The following PLA2G4B variants were observed in gnomAD, a reference collection of about 807,000 sequenced individuals.
PLA2G4B encodes the protein phospholipase A2 group IVB, also known as cytosolic phospholipase A2 beta.
PLA2G4B carries 122 observed loss-of-function variants against 95.8 expected under a neutral mutation model. The ratio of observed to expected loss-of-function variants is 1.27; its 90% CI spans 1.10 to 1.48. The LOEUF (loss-of-function observed/expected upper bound fraction) is 1.48. PLA2G4B is among the 40% of genes most tolerant of loss of function. The pLI, the probability that PLA2G4B is intolerant of heterozygous loss-of-function variation, is 0.00. For missense variants in PLA2G4B, 1,158 were observed against 996.2 expected (o/e 1.16, Z -2.19); for synonymous variants, 518 against 421.5 (o/e 1.23, Z -2.80).
At position 41,838,862 on chromosome 15, in the gene PLA2G4B, C is replaced by A. The variant is rs886073453; in HGVS notation, c.-52C>A. On this transcript the variant is annotated 5_prime_UTR_variant, in exon 1 of 20. Transcript: ENST00000458483. ...GCTCTGGGTTAGAAAGCTGACAGTC[C>A]TTGATCCTGTGGCCACTGCCCCATC... 3.8e-6 allele frequency: 6 copies of A among 1,570,938 alleles called. No homozygotes were observed. Among genetic ancestry groups the A allele is most frequent in the Non-Finnish European group, 5.2e-6 (6 of 1,153,524 alleles).
rs2065616165 is a variant in PLA2G4B at position 41,848,115 on chromosome 15, G to A, written c.*255G>A. 4 of 584,254 alleles carry A rather than the reference G, an allele frequency of 6.8e-6. No homozygotes were observed. The highest frequency in any genetic ancestry group is 1.2e-5 in the Non-Finnish European group (4 of 328,556). 36.2% of individuals were successfully genotyped at this position (584,254 alleles called of 1,614,324 possible). On this transcript the variant is annotated 3_prime_UTR_variant, in exon 20 of 20. Transcript: ENST00000458483. ...TTCTGCGCTACCTTGAGTAGTTGGA[G>A]CACTTGATACATCACAGACTCATAC...
At chr15:41,841,480 TG>T in intron 6 of PLA2G4B, 36 bp from the exon 7 acceptor site, 1 of 1,612,122 alleles carries the variant, frequency 6.2e-7, no homozygotes, top group Non-Finnish European at 8.5e-7. Flanking sequence ...GAATGGGGGG[TG>T]GGGTTAGTGT....
rs1041131421 is a variant in PLA2G4B, at chr15:41,848,130, C to T, written c.*270C>T. ...AGTAGTTGGAGCACTTGATACATCA[C>T]AGACTCATACAAATGTGAGGCGCTG... On this transcript the variant is annotated 3_prime_UTR_variant, in exon 20 of 20. Transcript: ENST00000458483. The T allele has an allele frequency of 5.2e-6, 3 of 571,452 alleles. No individual in the cohort carries two copies. Among genetic ancestry groups the T allele is most frequent in the African/African-American group, 1.9e-5 (1 of 53,254 alleles). The allele number at this position is 571,452 out of a possible 1,614,324, so 35.4% of individuals were successfully genotyped here. A position where few individuals can be genotyped will look rare whatever the true frequency, so the allele number is the denominator to read the frequency against.
rs772887684 is a variant in PLA2G4B, at chr15:41,846,399, A to AAAG, written c.1780+18_1780+20dup. On this transcript the variant is annotated intron_variant, in intron 17 of 19. Transcript: ENST00000458483. ...CATGGAAAGGTACCTGCTTCTCTCC[A>AAAG]AAGTCCTCCTGTGGCCACCTGAGCC... is the stretch of plus-strand genomic sequence containing the variant. 184 of 1,594,626 alleles carry AAAG rather than the reference A, an allele frequency of 1.2e-4. No homozygotes were observed. Among genetic ancestry groups the AAAG allele is most frequent in the Middle Eastern group, 8.3e-4 (5 of 6,010 alleles).
rs1323648765 is a variant in PLA2G4B at position 41,848,108 on chromosome 15, A to AGTT, written c.*250_*252dup. 1 of 589,618 alleles carries AGTT rather than the reference A, an allele frequency of 1.7e-6. No individual in the cohort carries two copies. Among genetic ancestry groups the AGTT allele is most frequent in the Non-Finnish European group, 3.0e-6 (1 of 332,500 alleles). 36.5% of individuals were successfully genotyped at this position (589,618 alleles called of 1,614,324 possible). On this transcript the variant is annotated 3_prime_UTR_variant, in exon 20 of 20. Transcript: ENST00000458483. ...TTTTCCCTTCTGCGCTACCTTGAGT[A>AGTT]GTTGGAGCACTTGATACATCACAGA...
chr15:41,839,029 G>A, intron 1 of PLA2G4B, 107 bp downstream of exon 1: 1 of 960,836 alleles, frequency 1.0e-6, no homozygotes, highest in South Asian at 1.6e-5. Flanking sequence ...GGGGTAGGGA[G>A]GGGAGTTTAT....
intron 14 of PLA2G4B, 149 bp downstream of exon 14, chr15:41,845,469 C>T (rs924468350): frequency 6.9e-7 from 1 of 1,450,080 alleles, no homozygotes; most frequent in Non-Finnish European, 9.2e-7. Context: ...CAGGGTCCCT[C>T]AGCCCTTTGG....
rs2140895839 is a variant in PLA2G4B at position 41,845,280 on chromosome 15, C to T, written c.1317C>T (p.Leu439=). 1 of 1,614,208 alleles carries T rather than the reference C, an allele frequency of 6.2e-7. No homozygotes were observed. Residue 439 remains leucine, a synonymous_variant, in exon 14 of 20, where the codon CTC becomes CTT. Coordinates refer to ENST00000458483, the MANE Select transcript of PLA2G4B (RefSeq NM_001114633.2). ...GQNPLPIYCA[L]NTKGQSLTTF... ...ACCCTCTGCCCATCTACTGTGCCCTCAACACCAAAGGGCAGAGCCTGACCA... is the reference window on the plus strand; with the variant it reads ...ACCCTCTGCCCATCTACTGTGCCCTTAACACCAAAGGGCAGAGCCTGACCA...
chr15:41,846,480 C>T (rs2065548846), intron 17 of PLA2G4B, 98 bp downstream of exon 17: 2 of 1,525,932 alleles, frequency 1.3e-6, no homozygotes, highest in African/African-American at 1.4e-5. Flanking sequence ...CTGCTTTGAG[C>T]TTGATTCCCT....
In PLA2G4B at chr15:41,846,055, C is replaced by T. The variant is rs376521400; in HGVS notation, c.1600+8C>T. 20 of 1,568,436 alleles carry T rather than the reference C, an allele frequency of 1.3e-5. No individual in the cohort carries two copies. In the Admixed American group the frequency reaches 2.0e-4, roughly 16 times the overall value. On this transcript the variant is annotated splice_region_variant and intron_variant, in intron 16 of 19. Transcript: ENST00000458483. ...GGAACCAGGCCAACCTGGGTAAGTG[C>T]TCCGGGCCCTTCATAAGGGTGCCAA... is the stretch of plus-strand genomic sequence containing the variant.
Position 41,846,828 on chromosome 15 carries a change from C to G in PLA2G4B, c.1940C>G (p.Ala647Gly), listed in dbSNP as rs757931313. ...ILSLDYNLHG[A>G]FQQLQLLGRF... ...TCATTGGACTACAACCTCCACGGAGCCTTCCAGGTTGGGAAGGGTGGGCAG... is the reference window on the plus strand; with the variant it reads ...TCATTGGACTACAACCTCCACGGAGGCTTCCAGGTTGGGAAGGGTGGGCAG... The change falls in exon 18 of 20, where the codon GCC (alanine) becomes GGC (glycine). Residue 647 changes from alanine (A) to glycine (G), a missense_variant. By Grantham distance (60) the Ala-to-Gly change is moderately conservative (BLOSUM62 0). Transcript: ENST00000458483. 4 of 1,609,354 alleles carry G rather than the reference C, an allele frequency of 2.5e-6. No homozygotes were observed. In the African/African-American group the frequency reaches 4.0e-5, roughly 16 times the overall value.
chr15:41,842,202 G>A lies in PLA2G4B; in HGVS notation c.631G>A (p.Glu211Lys), dbSNP rs755015337. Residue 211 changes from glutamate to lysine, a missense_variant, in exon 9 of 20, where the codon GAG (glutamate) becomes AAG (lysine). Glu to Lys is a moderately conservative substitution (Grantham distance 56). Coordinates refer to ENST00000458483, the MANE Select transcript of PLA2G4B (RefSeq NM_001114633.2). ...TCTTTGTCCCCTGCAGGATGCCCCC[G>A]AGGAGCAACTAAAGGCGCCACTGAG... ...ELSIRLQDAP[E>K]EQLKAPLSAL... is the part of the protein sequence containing the mutation. 18 of 1,613,860 alleles carry A rather than the reference G, an allele frequency of 1.1e-5. No individual in the cohort carries two copies. In the East Asian group the frequency reaches 1.3e-4, roughly 12 times the overall value.
intron 18 of PLA2G4B, 146 bp from the exon 19 acceptor site, chr15:41,847,191 A>T: frequency 8.7e-7 from 1 of 1,151,554 alleles, no homozygotes; most frequent in African/African-American, 2.2e-5. Context: ...AGGTGTGGAG[A>T]GTTTTTTTCC....
At chr15:41,842,956 T>A (rs1393517670) in intron 10 of PLA2G4B, 1 of 266,486 alleles carries the variant, frequency 3.8e-6, no homozygotes, top group African/African-American at 2.3e-5. Flanking sequence ...GGGTGGAAGC[T>A]GTTATGGCTG....
At chr15:41,841,372 C>T (rs1183698090) in intron 6 of PLA2G4B, 99 bp downstream of exon 6, 14 of 1,608,880 alleles carry the variant, frequency 8.7e-6, no homozygotes, top group Non-Finnish European at 1.0e-5. Context: ...AGCCTGGGGA[C>T]CCTGGGATTT....
At chr15:41,841,621 C>T in intron 7 of PLA2G4B, 50 bp downstream of exon 7, 1 of 1,612,604 alleles carries the variant, frequency 6.2e-7, no homozygotes, top group African/African-American at 1.3e-5. Context: ...CTCTTGTCTT[C>T]CCCCTTTAAG....
intron 10 of PLA2G4B, 93 bp downstream of exon 10, chr15:41,842,684 C>T (rs1000655610): frequency 2.6e-6 from 4 of 1,541,510 alleles, no homozygotes; most frequent in Admixed American, 2.3e-5. Flanking sequence ...GGAGAAACAG[C>T]CGCCCCTCAT....
At chr15:41,840,432 AC>A (rs1435937836) in intron 2 of PLA2G4B, 91 bp from the exon 3 acceptor site, 1 of 1,604,872 alleles carries the variant, frequency 6.2e-7, no homozygotes, top group African/African-American at 1.3e-5. Flanking sequence ...CTCAGTCTTA[AC>A]CCACATGGGG....
At chr15:41,839,968 G>T in intron 1 of PLA2G4B, 190 bp from the exon 2 acceptor site, 1 of 657,184 alleles carries the variant, frequency 1.5e-6, no homozygotes, top group South Asian at 2.1e-5. Flanking sequence ...GCAGAGCATT[G>T]TGTAAGTGCT....
Sources: allele counts gnomAD v4.1 joint callset, GRCh38; gene constraint gnomAD v4.1.1; transcripts MANE v1.5; gene names NCBI Gene and HGNC (gene_info 2026-07-23, HGNC 2026-07-21).